Variants in EDIL3 observed in about 807,000 individuals in gnomAD.
EDIL3 encodes EGF-like repeat and discoidin I-like domain-containing protein 3.
EDIL3 carries 37 observed loss-of-function variants against 67.4 expected under a neutral mutation model. The observed-to-expected ratio is 0.55, with a 90% CI of 0.42 to 0.72. The LOEUF is 0.72. EDIL3 is among the 30% of genes least tolerant of loss of function. The pLI, the probability that EDIL3 is intolerant of heterozygous loss-of-function variation, is 0.00. For missense variants in EDIL3, 527 were observed against 586.3 expected (o/e 0.90, Z 1.04); for synonymous variants, 195 against 196.3 (o/e 0.99, Z 0.05).
At chr5:84,361,913 G>C (rs957590605) in intron 1 of EDIL3, among the ~76,000 whole-genome samples, 1 of 151,884 alleles carries the variant, frequency 6.6e-6, no homozygotes, top group Non-Finnish European at 1.5e-5. Context: ...AAACATAATA[G>C]TCTAATAACC....
chr5:84,008,592 G>T (rs115136804), intron 9 of EDIL3, among the ~76,000 whole-genome samples: 2,666 of 152,174 alleles, frequency 0.018, 64 homozygotes, highest in African/African-American at 0.059. Flanking sequence ...TAGCCAGAGG[G>T]TTAGGAGAAA....
At chr5:84,226,414 T>C (rs547952890) in intron 3 of EDIL3, among the ~76,000 whole-genome samples, 6 of 151,834 alleles carry the variant, frequency 4.0e-5, no homozygotes, top group East Asian at 1.9e-4. Context: ...AACAGGATAA[T>C]AACTATTCCT....
intron 6 of EDIL3, among the ~76,000 whole-genome samples, chr5:84,096,106 C>T (rs1422931296): frequency 6.6e-6 from 1 of 152,072 alleles, no homozygotes; most frequent in Non-Finnish European, 1.5e-5. Flanking sequence ...AGGGGTGAGG[C>T]CCTCATGGAA....
intron 3 of EDIL3, among the ~76,000 whole-genome samples, chr5:84,204,096 C>T (rs534696615): frequency 2.6e-5 from 4 of 152,198 alleles, no homozygotes; most frequent in African/African-American, 9.6e-5. Context: ...TACAACTTCA[C>T]CTAAGTGAAG....
At chr5:84,073,613 T>C (rs570323583) in intron 6 of EDIL3, among the ~76,000 whole-genome samples, 7 of 152,008 alleles carry the variant, frequency 4.6e-5, no homozygotes, top group Non-Finnish European at 7.4e-5. Context: ...TCAAAGAGAA[T>C]AAAATACCTA....
At chr5:84,350,064 T>C (rs1032189671) in intron 1 of EDIL3, among the ~76,000 whole-genome samples, 1 of 152,130 alleles carries the variant, frequency 6.6e-6, no homozygotes, top group African/African-American at 2.4e-5. Flanking sequence ...TGAAAGATCT[T>C]GTTGTCTAAC....
intron 9 of EDIL3, among the ~76,000 whole-genome samples, chr5:83,969,803 G>C (rs1272087706): frequency 6.6e-6 from 1 of 151,726 alleles, no homozygotes; most frequent in African/African-American, 2.4e-5. Context: ...ACATATTTAT[G>C]AGGTATCTAG....
At chr5:84,076,107 C>T (rs1021284039) in intron 6 of EDIL3, among the ~76,000 whole-genome samples, 2 of 151,484 alleles carry the variant, frequency 1.3e-5, no homozygotes, top group Non-Finnish European at 1.5e-5. Context: ...CAAAAACAAA[C>T]AAAAATTTAC....
intron 9 of EDIL3, among the ~76,000 whole-genome samples, chr5:83,970,353 A>G (rs1238657337): frequency 6.8e-6 from 1 of 147,340 alleles, no homozygotes; most frequent in East Asian, 2.0e-4. Context: ...AGAATTATTT[A>G]TATAGTATCA....
chr5:84,066,650 GA>G, intron 6 of EDIL3, 44 bp from the exon 7 acceptor site: 3 of 1,577,474 alleles, frequency 1.9e-6, no homozygotes, highest in Non-Finnish European at 2.6e-6. Flanking sequence ...TTGTTTTCAG[GA>G]TAACAATACT....
At position 84,182,834 on chromosome 5, in the gene EDIL3, C is replaced by T. The variant is rs552428767; in HGVS notation, c.227-2313G>A. ...ATTTTTTTTTTTTGTCAGCACCACA[C>T]CAATTAAAAACAATATATTTATTTA... On this transcript the variant is annotated intron_variant, in intron 3 of 10. Coordinates refer to ENST00000296591, the MANE Select transcript of EDIL3 (RefSeq NM_005711.5). Among the ~76,000 whole-genome samples the T allele has an allele frequency of 7.2e-5, 11 of 151,836 alleles. No homozygotes were observed. The East Asian group carries it at 2.1e-3, about 29-fold the overall frequency.
intron 1 of EDIL3, among the ~76,000 whole-genome samples, chr5:84,378,274 A>C (rs1423583549): frequency 1.3e-5 from 2 of 152,178 alleles, no homozygotes; most frequent in East Asian, 3.8e-4. Flanking sequence ...ATTTGCACCC[A>C]AAAAATGTTG....
At chr5:83,994,925 A>T (rs149774941) in intron 9 of EDIL3, among the ~76,000 whole-genome samples, 1 of 152,182 alleles carries the variant, frequency 6.6e-6, no homozygotes, top group Non-Finnish European at 1.5e-5. Context: ...ATTTCAATAG[A>T]CAAACAGTAT....
intron 1 of EDIL3, among the ~76,000 whole-genome samples, chr5:84,378,477 G>A (rs1443854321): frequency 4.6e-5 from 7 of 152,042 alleles, no homozygotes; most frequent in Non-Finnish European, 8.8e-5. Context: ...CTAAAAGTTG[G>A]CATGTTTTAC....
chr5:84,117,072 G>A (rs1434767195), intron 5 of EDIL3, among the ~76,000 whole-genome samples: 2 of 125,532 alleles, frequency 1.6e-5, no homozygotes, highest in Non-Finnish European at 3.1e-5. Flanking sequence ...CTGTGGCCCA[G>A]GCGGGAGTGC....
intron 9 of EDIL3, among the ~76,000 whole-genome samples, chr5:84,043,129 C>A (rs1374563526): frequency 6.6e-6 from 1 of 152,148 alleles, no homozygotes; most frequent in African/African-American, 2.4e-5. Context: ...AGAAACGGGA[C>A]AAAATTTTTA....
intron 1 of EDIL3, among the ~76,000 whole-genome samples, chr5:84,377,380 A>C (rs1747990575): frequency 2.0e-5 from 3 of 151,642 alleles, no homozygotes; most frequent in Admixed American, 2.0e-4. Flanking sequence ...TAGGTGGGAG[A>C]CTGCTCTACA....
chr5:83,961,517 G>A (rs1436594645), intron 10 of EDIL3, among the ~76,000 whole-genome samples: 2 of 150,932 alleles, frequency 1.3e-5, no homozygotes, highest in Non-Finnish European at 3.0e-5. Flanking sequence ...ACAGTTTAAC[G>A]GTTTAACCAT....
chr5:84,212,032 C>CCT (rs200621372), intron 3 of EDIL3, among the ~76,000 whole-genome samples: 1 of 151,690 alleles, frequency 6.6e-6, no homozygotes. Flanking sequence ...TCTCTCCCTT[C>CCT]CTCTCTCTCT....
Sources: allele counts gnomAD v4.1 joint callset (sites outside exome capture counted in the v4.1 genomes callset), GRCh38; gene constraint gnomAD v4.1.1; transcripts MANE v1.5; gene names NCBI Gene and HGNC (gene_info 2026-07-23, HGNC 2026-07-21).